Variants in ITPK1 observed in about 807,000 individuals in gnomAD.
The protein encoded by ITPK1 is inositol 1,3,4-trisphosphate 5/6-kinase.
ITPK1 carries 21 observed loss-of-function variants against 45.3 expected under a neutral mutation model. That is an observed-to-expected ratio of 0.46 (90% CI 0.33 to 0.67). The LOEUF (loss-of-function observed/expected upper bound fraction) is 0.67. Among genes scored for constraint, ITPK1 ranks in the 30% least tolerant of loss-of-function variants. ITPK1 has a pLI of 0.02. For missense variants in ITPK1, 474 were observed against 573.5 expected (o/e 0.83, Z 1.77); for synonymous variants, 258 against 253.6 (o/e 1.02, Z -0.16).
chr14:93,111,200 C>T (rs1331509102), intron 2 of ITPK1, among the ~76,000 whole-genome samples: 1 of 152,160 alleles, frequency 6.6e-6, no homozygotes, highest in South Asian at 2.1e-4. Context: ...CCTCTTCCGC[C>T]CCCACCTCCT....
chr14:92,962,242 A>G, intron 7 of ITPK1, 113 bp downstream of exon 7: 2 of 817,810 alleles, frequency 2.4e-6, no homozygotes. Flanking sequence ...AGGAGCCAGG[A>G]CTAACAGCAG....
Position 92,994,983 on chromosome 14 carries a change from C to T in ITPK1, c.247-986G>A, listed in dbSNP as rs927784975. Among the ~76,000 whole-genome samples, 4 of 152,160 alleles carry T rather than the reference C, an allele frequency of 2.6e-5. No homozygotes were observed. The East Asian group carries it at 5.8e-4, about 22-fold the overall frequency. ...CTTAGGAGAGAAATCTGAACACAGA[C>T]GCAGGGAGGAGGCCGTGTGGAGACA... On this transcript the variant is annotated intron_variant, in intron 4 of 10. Transcript: ENST00000267615.
In ITPK1 at chr14:92,941,569, AGGAGGCCTTGGTGGCCAG is replaced by A. The variant is rs1887401251; in HGVS notation, c.1219_1236del (p.Leu407_Ser412del). 3 of 1,534,744 alleles carry A rather than the reference AGGAGGCCTTGGTGGCCAG, an allele frequency of 2.0e-6. No individual in the cohort carries two copies. The highest frequency in any genetic ancestry group is 8.7e-7 in the Non-Finnish European group (1 of 1,143,572). The stretch of plus-strand genomic sequence containing the variant: ...GGGTCCCGGCTCCGTGGCTACTGGG[AGGAGGCCTTGGTGGCCAG>A]GGAGGCCACACAATGCTGCTGGAAG... On this transcript the variant is annotated inframe_deletion, in exon 11 of 11. Transcript: ENST00000267615.
chr14:93,111,651 C>T (rs1476826414), intron 2 of ITPK1, among the ~76,000 whole-genome samples: 1 of 147,448 alleles, frequency 6.8e-6, no homozygotes, highest in Non-Finnish European at 1.5e-5. Context: ...GCGGAGGTTG[C>T]AGTGAGCCGA....
At chr14:93,010,811 A>G (rs999132032) in intron 4 of ITPK1, among the ~76,000 whole-genome samples, 9 of 152,082 alleles carry the variant, frequency 5.9e-5, no homozygotes, top group Non-Finnish European at 1.3e-4. Flanking sequence ...ATCACACCCC[A>G]GGCACTCACA....
intron 2 of ITPK1, among the ~76,000 whole-genome samples, chr14:93,105,233 C>T (rs1028700552): frequency 1.3e-5 from 2 of 152,152 alleles, no homozygotes; most frequent in African/African-American, 4.8e-5. Flanking sequence ...GACCCAGGAG[C>T]CAGCCTGGGA....
chr14:93,051,386 C>T (rs1158772290), intron 3 of ITPK1, among the ~76,000 whole-genome samples: 6 of 152,178 alleles, frequency 3.9e-5, no homozygotes, highest in African/African-American at 1.2e-4. Context: ...AAGGCCAAGG[C>T]GGGCGGATCG....
intron 2 of ITPK1, among the ~76,000 whole-genome samples, chr14:93,077,830 G>A (rs755878730): frequency 7.2e-5 from 11 of 152,148 alleles, no homozygotes; most frequent in Non-Finnish European, 1.0e-4. Context: ...TGATTGCTAC[G>A]AGCCAGGGAC....
intron 4 of ITPK1, among the ~76,000 whole-genome samples, chr14:92,999,455 G>A (rs571980495): frequency 1.2e-4 from 19 of 152,338 alleles, no homozygotes; most frequent in Non-Finnish European, 2.6e-4. Context: ...TGGCCTGAGC[G>A]CCGAGCGGGT....
chr14:92,979,853 A>T (rs1490151615), intron 5 of ITPK1, among the ~76,000 whole-genome samples: 5 of 150,024 alleles, frequency 3.3e-5, no homozygotes, highest in Non-Finnish European at 7.4e-5. Context: ...TCACTCTGTC[A>T]CTCAGGCTGG....
Position 93,012,521 on chromosome 14 carries a change from A to G in ITPK1, c.246+4155T>C, listed in dbSNP as rs1887967622. ...AATCATGGCCTTCAGTGTCACAGCAATAAGAAAGCATGGGATGTTTTAAGC... is the reference window on the plus strand; with the variant it reads ...AATCATGGCCTTCAGTGTCACAGCAGTAAGAAAGCATGGGATGTTTTAAGC... On this transcript the variant is annotated intron_variant, in intron 4 of 10. Transcript: ENST00000267615. The surrounding 1 kb of genome is among the most constrained non-coding windows in gnomAD (Gnocchi z 4.9). 6.6e-6 allele frequency among the ~76,000 whole-genome samples: 1 copy of G among 152,166 alleles called. No individual in the cohort carries two copies. Among genetic ancestry groups the G allele is most frequent in the South Asian group, 2.1e-4 (1 of 4,824 alleles).
Position 93,115,170 on chromosome 14 carries a change from C to T in ITPK1, c.-7G>A. 2 of 1,596,820 alleles carry T rather than the reference C, an allele frequency of 1.3e-6. No individual in the cohort carries two copies. The highest frequency in any genetic ancestry group is 1.7e-6 in the Non-Finnish European group (2 of 1,169,674). On this transcript the variant is annotated 5_prime_UTR_variant, in exon 2 of 11. Transcript: ENST00000267615. The stretch of plus-strand genomic sequence containing the variant: ...CTTTCAGAAAGGTCTGCATCTTCCT[C>T]CTCGGGCGGGGAGCCTGGGTCCGGA...
In ITPK1 at chr14:92,938,289, T is replaced by C; in HGVS notation, c.*3272A>G. 1.6e-6 allele frequency: 1 copy of C among 621,666 alleles called. No homozygotes were observed. Among genetic ancestry groups the C allele is most frequent in the East Asian group, 2.7e-5 (1 of 36,602 alleles). The allele number at this position is 621,666 out of a possible 1,614,324, so 38.5% of individuals were successfully genotyped here. A position where few individuals can be genotyped will look rare whatever the true frequency, so the allele number is the denominator to read the frequency against. The stretch of plus-strand genomic sequence containing the variant: ...TCTAGGGAATAGAAGAGAGGGCAGA[T>C]ACAGACCCCAGGGACATTAGTGAAG... On this transcript the variant is annotated 3_prime_UTR_variant, in exon 11 of 11. Transcript: ENST00000267615.
intron 3 of ITPK1, among the ~76,000 whole-genome samples, chr14:93,020,611 C>T (rs1372147739): frequency 2.6e-5 from 4 of 152,230 alleles, no homozygotes; most frequent in African/African-American, 9.6e-5. Flanking sequence ...TCCAGGATTG[C>T]ACCGTAACCC....
chr14:93,098,381 C>T (rs1335686085), intron 2 of ITPK1, among the ~76,000 whole-genome samples: 2 of 151,406 alleles, frequency 1.3e-5, no homozygotes, highest in Admixed American at 6.6e-5. Flanking sequence ...GGCGTGAACC[C>T]GGGAGGCGGA....
At chr14:92,944,951 C>T (rs551360247) in intron 10 of ITPK1, among the ~76,000 whole-genome samples, 4 of 152,346 alleles carry the variant, frequency 2.6e-5, no homozygotes, top group African/African-American at 7.2e-5. Context: ...GTTCACCACA[C>T]GCAGCTCCCC....
intron 2 of ITPK1, among the ~76,000 whole-genome samples, chr14:93,078,864 AG>A (rs1891329205): frequency 6.6e-6 from 1 of 152,168 alleles, no homozygotes. Flanking sequence ...GAGGACCTTG[AG>A]GAGCCAGCCC....
At chr14:93,064,663 T>C (rs754459063) in intron 3 of ITPK1, among the ~76,000 whole-genome samples, 13 of 152,278 alleles carry the variant, frequency 8.5e-5, no homozygotes, top group Admixed American at 2.0e-4. Flanking sequence ...CTAAGGCCAT[T>C]GCATAAAGCT....
chr14:93,052,151 G>A (rs1890041776), intron 3 of ITPK1, among the ~76,000 whole-genome samples: 1 of 152,200 alleles, frequency 6.6e-6, no homozygotes, highest in Admixed American at 6.5e-5. Context: ...CTGTGACCAT[G>A]GGCAAGTTAT....
Sources: allele counts gnomAD v4.1 joint callset (sites outside exome capture counted in the v4.1 genomes callset), GRCh38; gene constraint gnomAD v4.1.1; non-coding constraint Gnocchi (gnomAD v3.1); transcripts MANE v1.5; gene names NCBI Gene and HGNC (gene_info 2026-07-23, HGNC 2026-07-21).